The following CDH18 variants were observed in gnomAD, a reference collection of about 807,000 sequenced individuals.
CDH18 encodes cadherin 18.
CDH18 carries 31 observed loss-of-function variants against 67.9 expected under a neutral mutation model. That is an observed-to-expected ratio of 0.46 (90% confidence interval 0.34 to 0.62). The LOEUF (loss-of-function observed/expected upper bound fraction) is 0.62, where lower values mean the gene tolerates loss of function less well. Ranked by LOEUF, CDH18 falls within the 20% of genes least tolerant of loss-of-function variation. The probability of loss-of-function intolerance (pLI) is 0.01; values close to 1 mark genes in which losing one functional copy is unlikely to be tolerated. For synonymous variants in CDH18, 362 were observed against 347.2 expected, an observed-to-expected ratio of 1.04 and a Z score of -0.48; for missense variants, 890 against 975.5, an observed-to-expected ratio of 0.91 and a Z score of 1.17.
intron 2 of CDH18, among the ~76,000 whole-genome samples, chr5:20,242,634 G>GTATATATATATGTA (rs1743055970): frequency 2.3e-5 from 2 of 85,828 alleles, no homozygotes; most frequent in South Asian, 3.5e-4. Context: ...ATATATATAT[G>GTATATATATATGTA]TATATATATA....
chr5:20,077,253 G>A (rs994586257), intron 2 of CDH18, among the ~76,000 whole-genome samples: 19 of 152,138 alleles, frequency 1.2e-4, no homozygotes, highest in Non-Finnish European at 2.8e-4. Flanking sequence ...TTGAGTTTAA[G>A]GTTTGTTTTA....
intron 2 of CDH18, among the ~76,000 whole-genome samples, chr5:19,969,909 A>C (rs538270851): frequency 1.6e-4 from 25 of 152,260 alleles, no homozygotes; most frequent in African/African-American, 5.5e-4. Flanking sequence ...TAGTAATATA[A>C]ACATTTAAAA....
chr5:19,574,577 T>G (rs1440803555), intron 7 of CDH18, among the ~76,000 whole-genome samples: 1 of 152,110 alleles, frequency 6.6e-6, no homozygotes, highest in Non-Finnish European at 1.5e-5. Flanking sequence ...TAATAGAAAT[T>G]ATTGTATTAT....
At chr5:20,324,785 T>A (rs894703077) in intron 1 of CDH18, among the ~76,000 whole-genome samples, 1 of 152,156 alleles carries the variant, frequency 6.6e-6, no homozygotes, top group Non-Finnish European at 1.5e-5. Context: ...AAAACACAGT[T>A]TAGCTAACAA....
In CDH18 at chr5:20,111,476, G is replaced by T. The variant is rs1218671811; in HGVS notation, c.-517-119462C>A. On this transcript the variant is annotated intron_variant, in intron 2 of 14. Transcript: ENST00000507958. ...ATGTCCCTACTATGGCCAAACCAAT[G>T]AGAACAGAAGTAATATAAAATCTTC... Among the ~76,000 whole-genome samples, 4 of 150,910 alleles carry T rather than the reference G, an allele frequency of 2.7e-5. No homozygotes were observed. The South Asian group carries it at 6.3e-4, about 24-fold the overall frequency.
chr5:19,899,039 G>C (rs1048097065), intron 2 of CDH18, among the ~76,000 whole-genome samples: 10 of 152,158 alleles, frequency 6.6e-5, no homozygotes, highest in Non-Finnish European at 1.0e-4. Context: ...ATATGTGGCT[G>C]AAAGGTATAA....
intron 5 of CDH18, among the ~76,000 whole-genome samples, chr5:19,655,314 A>T (rs1354846918): frequency 2.0e-5 from 3 of 152,058 alleles, no homozygotes; most frequent in Non-Finnish European, 4.4e-5. Context: ...TGCATTTGAA[A>T]TCATCTTTTA....
rs114409721 is a variant in CDH18, at chr5:20,123,435, T to A, written c.-517-131421A>T. 8.2e-3 allele frequency among the ~76,000 whole-genome samples: 1,247 copies of A among 152,250 alleles called. 7 individuals are homozygous for A. The highest frequency in any genetic ancestry group is 0.013 in the Non-Finnish European group (885 of 68,008). On this transcript the variant is annotated intron_variant, in intron 2 of 14. Coordinates refer to the CDH18 transcript ENST00000507958. ...CCCAACAACCTTACCAAATGTATAG[T>A]CTGAGACCTTCTTTCCCTCTCTTGT...
At chr5:20,248,731 T>C (rs1181423930) in intron 2 of CDH18, among the ~76,000 whole-genome samples, 1 of 152,332 alleles carries the variant, frequency 6.6e-6, no homozygotes, top group African/African-American at 2.4e-5. Context: ...GCTTTGTACT[T>C]AAAAATACAA....
intron 2 of CDH18, among the ~76,000 whole-genome samples, chr5:20,013,265 G>A (rs1737611891): frequency 6.6e-6 from 1 of 151,996 alleles, no homozygotes; most frequent in African/African-American, 2.4e-5. Flanking sequence ...AAGCATCATT[G>A]TTTATTTGTT....
intron 2 of CDH18, among the ~76,000 whole-genome samples, chr5:19,925,565 T>G (rs1044897975): frequency 7.2e-5 from 11 of 152,096 alleles, no homozygotes; most frequent in African/African-American, 2.4e-4. Flanking sequence ...CTCGGCTCAC[T>G]GCAACCTCTG....
At chr5:20,392,671 T>C (rs1413336493) in intron 1 of CDH18, among the ~76,000 whole-genome samples, 1 of 151,836 alleles carries the variant, frequency 6.6e-6, no homozygotes, top group African/African-American at 2.4e-5. Context: ...GGTCTTTGAG[T>C]CTAATGCAGT....
chr5:19,665,796 A>C (rs1757834447), intron 5 of CDH18, among the ~76,000 whole-genome samples: 1 of 152,084 alleles, frequency 6.6e-6, no homozygotes, highest in Admixed American at 6.6e-5. Context: ...AGAATAGTTA[A>C]TATTGTGGTG....
At chr5:20,024,108 C>T (rs752038511) in intron 2 of CDH18, among the ~76,000 whole-genome samples, 1 of 152,172 alleles carries the variant, frequency 6.6e-6, no homozygotes, top group Non-Finnish European at 1.5e-5. Context: ...TTTTTAAAAG[C>T]TAATCTCATC....
At chr5:19,746,790 C>T (rs531933162) in intron 4 of CDH18, 152 bp downstream of exon 4, 1 of 656,092 alleles carries the variant, frequency 1.5e-6, no homozygotes, top group South Asian at 2.1e-5. Context: ...GTCTTTAACA[C>T]TTTATGCCAC....
At chr5:20,341,992 T>C (rs1210695292) in intron 1 of CDH18, among the ~76,000 whole-genome samples, 1 of 152,138 alleles carries the variant, frequency 6.6e-6, no homozygotes, top group Non-Finnish European at 1.5e-5. Context: ...ATGAACTCAG[T>C]GATTCTGTCT....
intron 3 of CDH18, among the ~76,000 whole-genome samples, chr5:19,752,591 C>T (rs1021375380): frequency 5.3e-5 from 8 of 152,076 alleles, no homozygotes; most frequent in African/African-American, 1.7e-4. Flanking sequence ...ACTTCCCTAC[C>T]CATCCTGGTA....
At chr5:20,417,742 A>G (rs1366963649) in intron 1 of CDH18, among the ~76,000 whole-genome samples, 2 of 152,180 alleles carry the variant, frequency 1.3e-5, no homozygotes, top group Non-Finnish European at 2.9e-5. Context: ...ATCATCAGTC[A>G]TATATTCCTG....
Position 19,571,560 on chromosome 5 carries a change from C to G in CDH18, c.1253+19G>C. The G allele has an allele frequency of 6.2e-7, 1 of 1,604,530 alleles. No homozygotes were observed. On this transcript the variant is annotated intron_variant, in intron 8 of 12. Coordinates refer to ENST00000382275, the MANE Select transcript of CDH18 (RefSeq NM_004934.5). ...CAATAAAAATCTTTCTATGTCTAAA[C>G]GATTGAAGCATGCCATACCTTACTA...
Sources: allele counts gnomAD v4.1 joint callset (sites outside exome capture counted in the v4.1 genomes callset), GRCh38; gene constraint gnomAD v4.1.1; transcripts MANE v1.5; gene names NCBI Gene and HGNC (gene_info 2026-07-23, HGNC 2026-07-21).